Variants in TEX9 observed in about 807,000 individuals in gnomAD.
The protein encoded by TEX9 is testis-expressed protein 9.
A neutral mutation model predicts 59.6 loss-of-function variants in TEX9; 74 were observed. That is an observed-to-expected ratio of 1.24 (90% CI 1.03 to 1.51). The LOEUF (loss-of-function observed/expected upper bound fraction) is 1.51, where lower values mean the gene tolerates loss of function less well. Ranked by LOEUF, TEX9 falls within the 40% of genes most tolerant of loss-of-function variation. The pLI, the probability that TEX9 is intolerant of heterozygous loss-of-function variation, is 0.00. For missense variants in TEX9, 522 were observed against 447.8 expected, an observed-to-expected ratio of 1.17 and a Z score of -1.49; for synonymous variants, 186 against 152.2, an observed-to-expected ratio of 1.22 and a Z score of -1.64.
intron 4 of TEX9, among the ~76,000 whole-genome samples, chr15:56,386,103 A>C (rs2047949053): frequency 6.6e-6 from 1 of 152,122 alleles, no homozygotes; most frequent in Non-Finnish European, 1.5e-5. Flanking sequence ...ATGCAATGGA[A>C]TACTACTTGG....
At chr15:56,434,850 AT>A (rs1198461594) in intron 12 of TEX9, among the ~76,000 whole-genome samples, 1 of 152,108 alleles carries the variant, frequency 6.6e-6, no homozygotes, top group Non-Finnish European at 1.5e-5. Flanking sequence ...TAGTCTTCTA[AT>A]ATTCCCTTCA....
At chr15:56,335,754 T>C (rs1291416760) in intron 1 of TEX9, among the ~76,000 whole-genome samples, 1 of 152,150 alleles carries the variant, frequency 6.6e-6, no homozygotes, top group Non-Finnish European at 1.5e-5. Flanking sequence ...AAGTATCTCA[T>C]GTAACCCATA....
intron 12 of TEX9, among the ~76,000 whole-genome samples, chr15:56,441,216 A>T (rs1482355831): frequency 6.6e-6 from 1 of 152,000 alleles, no homozygotes; most frequent in African/African-American, 2.4e-5. Context: ...TTCATTACTG[A>T]TTTTTAATTT....
At chr15:56,331,542 T>C (rs1221024749) in intron 1 of TEX9, among the ~76,000 whole-genome samples, 1 of 152,086 alleles carries the variant, frequency 6.6e-6, no homozygotes, top group Non-Finnish European at 1.5e-5. Context: ...AACAATATGC[T>C]CCTGAATGAC....
At chr15:56,415,585 A>G (rs1567135270) in intron 10 of TEX9, among the ~76,000 whole-genome samples, 1 of 151,764 alleles carries the variant, frequency 6.6e-6, no homozygotes, top group African/African-American at 2.4e-5. Flanking sequence ...CCATTGGTCT[A>G]TGTGCCTGTT....
chr15:56,385,432 C>T (rs1164890462), intron 4 of TEX9, among the ~76,000 whole-genome samples: 3 of 152,086 alleles, frequency 2.0e-5, no homozygotes, highest in Non-Finnish European at 4.4e-5. Context: ...CTCCTCAATG[C>T]AAGGATCAGA....
chr15:56,320,358 C>T (rs1206318211), intron 1 of TEX9, among the ~76,000 whole-genome samples: 1 of 152,160 alleles, frequency 6.6e-6, no homozygotes, highest in Non-Finnish European at 1.5e-5. Flanking sequence ...GTTCTGGAGG[C>T]TGGAAAGTCT....
chr15:56,416,347 G>T (rs2049685784), intron 10 of TEX9, among the ~76,000 whole-genome samples: 2 of 151,848 alleles, frequency 1.3e-5, no homozygotes, highest in Non-Finnish European at 2.9e-5. Flanking sequence ...TTGGCTGTGG[G>T]TTTGCCATAG....
At chr15:56,302,860 T>C (rs182894161) in intron 1 of TEX9, among the ~76,000 whole-genome samples, 30 of 152,172 alleles carry the variant, frequency 2.0e-4, no homozygotes, top group African/African-American at 7.0e-4. Flanking sequence ...AATACAGGGA[T>C]GGAAAAAGAT....
chr15:56,328,773 T>C (rs1481504152), intron 1 of TEX9, among the ~76,000 whole-genome samples: 7 of 151,992 alleles, frequency 4.6e-5, no homozygotes, highest in African/African-American at 1.7e-4. Flanking sequence ...AGTGGTAAAA[T>C]AGAACACCAG....
At chr15:56,397,392 AG>A (rs1250564736) in intron 9 of TEX9, 1 of 152,256 alleles carries the variant, frequency 6.6e-6, no homozygotes, top group Non-Finnish European at 1.5e-5. Flanking sequence ...AGAGCACAAA[AG>A]GTTGGAAAAT....
intron 1 of TEX9, among the ~76,000 whole-genome samples, chr15:56,351,338 G>A (rs1011329664): frequency 2.0e-5 from 3 of 152,142 alleles, no homozygotes; most frequent in Non-Finnish European, 4.4e-5. Flanking sequence ...CATCACTGTT[G>A]AATATTTCAG....
chr15:56,336,398 C>T (rs2046257617), intron 1 of TEX9, among the ~76,000 whole-genome samples: 1 of 152,164 alleles, frequency 6.6e-6, no homozygotes, highest in African/African-American at 2.4e-5. Flanking sequence ...AGCTAGCTCT[C>T]TTTCTCCCAT....
chr15:56,253,284 C>T (rs996805932), intron 1 of TEX9, among the ~76,000 whole-genome samples: 1 of 151,778 alleles, frequency 6.6e-6, no homozygotes, highest in African/African-American at 2.4e-5. Flanking sequence ...TTTGCCTACA[C>T]CAAGCAAAAA....
At chr15:56,415,150 C>A (rs1196905719) in intron 10 of TEX9, among the ~76,000 whole-genome samples, 1 of 151,714 alleles carries the variant, frequency 6.6e-6, no homozygotes, top group East Asian at 1.9e-4. Context: ...TTATCAGATG[C>A]ATAGTTTGCA....
At chr15:56,434,443 A>G in intron 12 of TEX9, 2 of 1,528,406 alleles carry the variant, frequency 1.3e-6, no homozygotes, top group Middle Eastern at 3.7e-4. Context: ...TCCTTACACC[A>G]GATTTATAAG....
intron 1 of TEX9, among the ~76,000 whole-genome samples, chr15:56,338,436 G>A (rs1175957931): frequency 7.2e-5 from 11 of 152,210 alleles, no homozygotes; most frequent in African/African-American, 2.7e-4. Flanking sequence ...GATAGGACTA[G>A]TGAATCTCAT....
chr15:56,346,715 T>G (rs1339885090), intron 1 of TEX9, among the ~76,000 whole-genome samples: 1 of 151,462 alleles, frequency 6.6e-6, no homozygotes, highest in Non-Finnish European at 1.5e-5. Flanking sequence ...TTCAACATAA[T>G]GTGGAAAGTC....
the TEX9 span, among the ~76,000 whole-genome samples, chr15:56,455,072 C>T: frequency 6.6e-6 from 1 of 152,074 alleles, no homozygotes; most frequent in Non-Finnish European, 1.5e-5. Flanking sequence ...AAATGCCAAG[C>T]TTGCATTCTG....
Sources: gnomAD v4.1 joint callset for allele counts (sites outside exome capture counted in the v4.1 genomes callset) on GRCh38, gnomAD v4.1.1 for gene constraint, MANE v1.5 for transcripts, NCBI Gene and HGNC (gene_info 2026-07-23, HGNC 2026-07-21) for gene names.